Variants in ZDHHC21 observed in about 807,000 individuals in gnomAD.
ZDHHC21 encodes palmitoyltransferase ZDHHC21.
In ZDHHC21, 15 loss-of-function variants were observed where a neutral mutation model predicts 34.6. The observed-to-expected ratio is 0.43, with a 90% confidence interval of 0.29 to 0.67. The LOEUF (loss-of-function observed/expected upper bound fraction) is 0.67. Ranked by LOEUF, ZDHHC21 falls within the 30% of genes least tolerant of loss-of-function variation. ZDHHC21 has a pLI of 0.14. For missense variants in ZDHHC21, 344 were observed against 327.7 expected (o/e 1.05, Z -0.38); for synonymous variants, 142 against 101.8 (o/e 1.40, Z -2.38).
At chr9:14,673,604 G>T (rs530573257) in intron 4 of ZDHHC21, among the ~76,000 whole-genome samples, 154 of 151,202 alleles carry the variant, frequency 1.0e-3, no homozygotes, top group Non-Finnish European at 1.7e-3. Flanking sequence ...CATAGTACCG[G>T]TCAGTTTTAT....
At chr9:14,657,932 T>C (rs1421981842) in intron 7 of ZDHHC21, among the ~76,000 whole-genome samples, 1 of 152,202 alleles carries the variant, frequency 6.6e-6, no homozygotes, top group Admixed American at 6.5e-5. Context: ...ATGCCAATTA[T>C]ATCAGAAATT....
downstream of ZDHHC21, among the ~76,000 whole-genome samples, chr9:14,608,395 C>G (rs1823085837): frequency 6.6e-6 from 1 of 152,150 alleles, no homozygotes; most frequent in Non-Finnish European, 1.5e-5. Context: ...TACAATTAAA[C>G]TTACTACTAA....
intron 7 of ZDHHC21, among the ~76,000 whole-genome samples, chr9:14,640,804 G>A (rs1829245786): frequency 6.6e-6 from 1 of 152,114 alleles, no homozygotes; most frequent in African/African-American, 2.4e-5. Context: ...TTAAAGGCAG[G>A]TCTTCTGGCT....
At position 14,618,788 on chromosome 9, in the gene ZDHHC21, T is replaced by C; in HGVS notation, c.*178A>G. 1 of 537,884 alleles carries C rather than the reference T, an allele frequency of 1.9e-6. No individual in the cohort carries two copies. Among genetic ancestry groups the C allele is most frequent in the Non-Finnish European group, 2.9e-6 (1 of 349,940 alleles). The allele number at this position is 537,884 out of a possible 1,614,324, so 33.3% of individuals were successfully genotyped here. On this transcript the variant is annotated 3_prime_UTR_variant, in exon 10 of 10. Coordinates refer to ENST00000380916, the MANE Select transcript of ZDHHC21 (RefSeq NM_178566.6). ...TGCTTTAAAACTTAAATATAGATCT[T>C]GTATTAGTCCCACAACAGGATCAAG...
chr9:14,664,058 C>G (rs942072894), intron 5 of ZDHHC21, among the ~76,000 whole-genome samples: 1 of 151,730 alleles, frequency 6.6e-6, no homozygotes, highest in Non-Finnish European at 1.5e-5. Flanking sequence ...GCGTGAGCGA[C>G]GCAGAAGACG....
At chr9:14,592,238 G>A in the ZDHHC21 span, among the ~76,000 whole-genome samples, 1 of 152,020 alleles carries the variant, frequency 6.6e-6, no homozygotes, top group African/African-American at 2.4e-5. Context: ...GTAACAATTA[G>A]AATGTCCATT....
At chr9:14,622,658 G>T in intron 8 of ZDHHC21, 1 of 985,170 alleles carries the variant, frequency 1.0e-6, no homozygotes, top group Non-Finnish European at 1.2e-6. Context: ...TGTCATACAG[G>T]AGAAAGAATG....
chr9:14,662,438 G>C lies in ZDHHC21; in HGVS notation c.254-112C>G, dbSNP rs959289501. 15 of 727,130 alleles carry C rather than the reference G, an allele frequency of 2.1e-5. 1 individual carries two copies. The highest frequency in any genetic ancestry group is 5.5e-5 in the East Asian group (2 of 36,084). 45.0% of individuals were successfully genotyped at this position (727,130 alleles called of 1,614,324 possible). ...AAGCCTTCAACATAAAACTCTAAGA[G>C]ATTTTTCTTCTAAGCCTTTGGTATA... On this transcript the variant is annotated intron_variant, in intron 5 of 9. Transcript: ENST00000380916.
At chr9:14,629,509 A>G (rs184709469) in intron 8 of ZDHHC21, among the ~76,000 whole-genome samples, 1 of 152,062 alleles carries the variant, frequency 6.6e-6, no homozygotes, top group Non-Finnish European at 1.5e-5. Context: ...GGTAGCAAAA[A>G]TTTTTCGGTT....
At chr9:14,657,913 C>T (rs939977997) in intron 7 of ZDHHC21, among the ~76,000 whole-genome samples, 8 of 152,080 alleles carry the variant, frequency 5.3e-5, no homozygotes, top group African/African-American at 1.7e-4. Context: ...TTTACATGAT[C>T]TAACTTTAAT....
At chr9:14,665,056 C>T (rs1005233247) in intron 5 of ZDHHC21, among the ~76,000 whole-genome samples, 867 of 72,246 alleles carry the variant, frequency 0.012, 86 homozygotes, top group African/African-American at 0.042. Context: ...CTCTGAGCTA[C>T]GGAAGGACAT....
At chr9:14,598,066 A>T in the ZDHHC21 span, among the ~76,000 whole-genome samples, 1 of 152,016 alleles carries the variant, frequency 6.6e-6, no homozygotes, top group African/African-American at 2.4e-5. Flanking sequence ...ATACTGACCA[A>T]AGGCCCAAGG....
chr9:14,672,965 C>T (rs755543134), intron 4 of ZDHHC21, 37 bp from the exon 5 acceptor site: 1 of 1,263,276 alleles, frequency 7.9e-7, no homozygotes, highest in South Asian at 1.6e-5. Context: ...TAGTCACTTA[C>T]CCTTCAAAAC....
chr9:14,595,889 C>T, the ZDHHC21 span, among the ~76,000 whole-genome samples: 1 of 152,188 alleles, frequency 6.6e-6, no homozygotes, highest in East Asian at 1.9e-4. Flanking sequence ...CAACCAGATA[C>T]ACTAGAGTGG....
intron 8 of ZDHHC21, among the ~76,000 whole-genome samples, chr9:14,633,885 T>C (rs897849026): frequency 6.6e-6 from 1 of 152,124 alleles, no homozygotes; most frequent in Non-Finnish European, 1.5e-5. Context: ...AGGGCTGCAA[T>C]GGATGCCATC....
intron 8 of ZDHHC21, among the ~76,000 whole-genome samples, chr9:14,622,323 A>G (rs1330740645): frequency 6.6e-6 from 1 of 152,014 alleles, no homozygotes; most frequent in African/African-American, 2.4e-5. Context: ...GTGATCTTAC[A>G]TAAGAAATTA....
intron 8 of ZDHHC21, among the ~76,000 whole-genome samples, chr9:14,638,635 A>G (rs1025355375): frequency 6.6e-6 from 1 of 151,958 alleles, no homozygotes; most frequent in Non-Finnish European, 1.5e-5. Context: ...TTTGCTTGAC[A>G]AGGGACACTA....
intron 2 of ZDHHC21, among the ~76,000 whole-genome samples, chr9:14,683,252 G>C (rs547131447): frequency 2.0e-5 from 3 of 152,154 alleles, no homozygotes; most frequent in African/African-American, 4.8e-5. Flanking sequence ...CCAGGAGCTG[G>C]TTTTTTATTT....
the ZDHHC21 span, among the ~76,000 whole-genome samples, chr9:14,601,428 A>C: frequency 2.0e-5 from 3 of 150,710 alleles, no homozygotes; most frequent in African/African-American, 7.5e-5. Context: ...GAGAAATGCA[A>C]ATCAAAACAA....
Sources: allele counts gnomAD v4.1 joint callset (sites outside exome capture counted in the v4.1 genomes callset), GRCh38; gene constraint gnomAD v4.1.1; transcripts MANE v1.5; gene names NCBI Gene and HGNC (gene_info 2026-07-23, HGNC 2026-07-21).